The following TSPAN32 variants were observed in gnomAD, a reference collection of about 807,000 sequenced individuals.
TSPAN32 encodes tetraspanin 32, also known as tetraspanin-32.
TSPAN32 carries 47 observed loss-of-function variants against 42.7 expected under a neutral mutation model. That is an observed-to-expected ratio of 1.10 (90% confidence interval 0.87 to 1.40). TSPAN32 has a LOEUF of 1.40. TSPAN32 is among the 40% of genes most tolerant of loss of function. The pLI, the probability that TSPAN32 is intolerant of heterozygous loss-of-function variation, is 0.00. For missense variants in TSPAN32, 469 were observed against 424.1 expected, an observed-to-expected ratio of 1.11 and a Z score of -0.93; for synonymous variants, 175 against 175.9, an observed-to-expected ratio of 0.99 and a Z score of 0.04.
intron 4 of TSPAN32, among the ~76,000 whole-genome samples, chr11:2,311,633 G>A (rs760570565): frequency 3.3e-5 from 5 of 152,162 alleles, no homozygotes; most frequent in Admixed American, 6.5e-5. Flanking sequence ...CCCACCTGCC[G>A]TTCAGGACCT....
intron 3 of TSPAN32, among the ~76,000 whole-genome samples, chr11:2,305,221 T>A (rs2077112): frequency 6.6e-5 from 10 of 152,192 alleles, no homozygotes; most frequent in Non-Finnish European, 1.0e-4. Context: ...GGGCCCATGG[T>A]GGGCAGAGGA....
intron 6 of TSPAN32, chr11:2,315,225 C>G: frequency 1.3e-5 from 16 of 1,194,246 alleles, no homozygotes; most frequent in Non-Finnish European, 1.7e-5. Context: ...GTCCTGGAAA[C>G]AAACCCACCC....
intron 6 of TSPAN32, chr11:2,315,516 GC>G: frequency 8.6e-7 from 1 of 1,159,060 alleles, no homozygotes; most frequent in Non-Finnish European, 1.1e-6. Context: ...GGGCCCGACT[GC>G]AAAGCCTCCT....
In TSPAN32 at chr11:2,314,474, T is replaced by C. The variant is rs774267738; in HGVS notation, c.457-11T>C. 1 of 1,607,750 alleles carries C rather than the reference T, an allele frequency of 6.2e-7. No individual in the cohort carries two copies. The highest frequency in any genetic ancestry group is 1.1e-5 in the South Asian group (1 of 89,576). On this transcript the variant is annotated splice_polypyrimidine_tract_variant and intron_variant, in intron 5 of 9. Coordinates refer to ENST00000182290, the MANE Select transcript of TSPAN32 (RefSeq NM_139022.3). Reference sequence around the variant, plus strand: ...GAGCACATCACCACTCCCTCCCTTCTGTTCCTGTAGTTTCTGTGCTGTGGG... The same window carrying C: ...GAGCACATCACCACTCCCTCCCTTCCGTTCCTGTAGTTTCTGTGCTGTGGG...
chr11:2,310,495 T>G (rs1248640366), intron 4 of TSPAN32, among the ~76,000 whole-genome samples: 1 of 152,210 alleles, frequency 6.6e-6, no homozygotes, highest in Non-Finnish European at 1.5e-5. Context: ...GGCAGGGGAC[T>G]GGGGCTTCCT....
chr11:2,309,079 C>T (rs922516087), intron 4 of TSPAN32, among the ~76,000 whole-genome samples: 5 of 152,066 alleles, frequency 3.3e-5, no homozygotes, highest in Non-Finnish European at 5.9e-5. Context: ...TTCTTAAAGC[C>T]CCTCAGCCCA....
At position 2,317,046 on chromosome 11, in the gene TSPAN32, G is replaced by A. The variant is rs1848840190; in HGVS notation, c.720-298G>A. 1.3e-5 allele frequency among the ~76,000 whole-genome samples: 2 copies of A among 152,120 alleles called. No individual in the cohort carries two copies. Among genetic ancestry groups the A allele is most frequent in the South Asian group, 2.1e-4 (1 of 4,816 alleles). Reference sequence around the variant, plus strand: ...AACCCACAGCCAGGCAGCTCTTCCTGCCCCCACGGAGCCTGGCCCGTCTCT... The same window carrying A: ...AACCCACAGCCAGGCAGCTCTTCCTACCCCCACGGAGCCTGGCCCGTCTCT... On this transcript the variant is annotated intron_variant, in intron 8 of 9. Coordinates refer to ENST00000182290, the MANE Select transcript of TSPAN32 (RefSeq NM_139022.3). The surrounding 1 kb of genome is among the most constrained non-coding windows in gnomAD (Gnocchi z 6.2).
chr11:2,305,566 C>T (rs1294931548), intron 3 of TSPAN32, among the ~76,000 whole-genome samples: 2 of 152,218 alleles, frequency 1.3e-5, no homozygotes, highest in Non-Finnish European at 2.9e-5. Flanking sequence ...AGCCGCTGGG[C>T]CACGGGGCTC....
chr11:2,305,747 C>CT lies in TSPAN32; in HGVS notation c.279+1545dup, dbSNP rs556793923. On this transcript the variant is annotated intron_variant, in intron 3 of 9. Transcript: ENST00000182290. ...ATGTGGGTCAGGCCTGTAGAGCAGC[C>CT]TTGGAGGCCCCCAACTGGATGCCTG... Among the ~76,000 whole-genome samples the CT allele has an allele frequency of 3.3e-3, 496 of 152,316 alleles. 2 individuals carry two copies. Among genetic ancestry groups the CT allele is most frequent in the African/African-American group, 0.011 (467 of 41,568 alleles).
Position 2,304,147 on chromosome 11 carries a change from G to A in TSPAN32, c.222G>A (p.Leu74=), listed in dbSNP as rs371071821. ...TGAGCCTGGTGGGCCTCCTGACTCTGGGAGCCGTGCTGAGCGCTGCAGCCA... is the reference window on the plus strand; with the variant it reads ...TGAGCCTGGTGGGCCTCCTGACTCTAGGAGCCGTGCTGAGCGCTGCAGCCA... ...AGLSLVGLLT[L]GAVLSAAATV... The change falls in exon 3 of 10, where the codon CTG becomes CTA. Residue 74 remains leucine, a synonymous_variant. Coordinates refer to ENST00000182290, the MANE Select transcript of TSPAN32 (RefSeq NM_139022.3). The surrounding 1 kb of genome is among the most constrained non-coding windows in gnomAD (Gnocchi z 4.8). The A allele has an allele frequency of 1.0e-5, 16 of 1,590,058 alleles. No individual in the cohort carries two copies. Among genetic ancestry groups the A allele is most frequent in the Non-Finnish European group, 1.4e-5 (16 of 1,168,504 alleles).
At chr11:2,302,538 G>T (rs1470965809) in intron 1 of TSPAN32, among the ~76,000 whole-genome samples, 1 of 152,206 alleles carries the variant, frequency 6.6e-6, no homozygotes, top group Non-Finnish European at 1.5e-5. Flanking sequence ...GCCCCGGAGG[G>T]TGCTGGCACA....
At chr11:2,316,549 G>A (rs769745484) in intron 7 of TSPAN32, 27 bp from the exon 8 acceptor site, 7 of 1,602,562 alleles carry the variant, frequency 4.4e-6, no homozygotes, top group Admixed American at 1.7e-5. Context: ...TGGGGCAGTG[G>A]GGCAGCCGCG....
At chr11:2,307,579 T>C (rs542011748) in intron 3 of TSPAN32, among the ~76,000 whole-genome samples, 10 of 152,212 alleles carry the variant, frequency 6.6e-5, no homozygotes, top group Admixed American at 3.9e-4. Flanking sequence ...TTAGCCTGGG[T>C]GACCTCTGCC....
Position 2,317,362 on chromosome 11 carries a change from C to G in TSPAN32, c.738C>G (p.Pro246=), listed in dbSNP as rs749352222. 3.9e-5 allele frequency: 62 copies of G among 1,594,550 alleles called. No individual in the cohort carries two copies. Among genetic ancestry groups the G allele is most frequent in the Non-Finnish European group, 5.0e-5 (59 of 1,170,676 alleles). Residue 246 remains proline (P), a synonymous_variant, in exon 9 of 10, where the codon CCC becomes CCG. Transcript: ENST00000182290. The surrounding 1 kb of genome is among the most constrained non-coding windows in gnomAD (Gnocchi z 6.2). ...TLTPRACGRQ[P]QEPSLLRCSQ... The stretch of plus-strand genomic sequence containing the variant: ...TCCTCAGAGCATGTGGCCGCCAGCC[C>G]CAGGAGCCCAGCCTCTTGAGATGCT...
chr11:2,309,952 C>G (rs1324115309), intron 4 of TSPAN32: 2 of 153,340 alleles, frequency 1.3e-5, no homozygotes, highest in Admixed American at 1.3e-4. Flanking sequence ...TTGGGAGGAA[C>G]CGCCTGAACC....
chr11:2,304,638 T>A lies in TSPAN32; in HGVS notation c.279+434T>A, dbSNP rs2521271. Among the ~76,000 whole-genome samples the A allele has an allele frequency of 0.85, 128,295 of 151,472 alleles. 55,420 individuals carry two copies. Among genetic ancestry groups the A allele is most frequent in the African/African-American group, 0.95 (39,015 of 41,242 alleles). ...CTGTTCGGAGGAGGCCGGGCCAGGC[T>A]CAGGAAACGCCCCTTGAGCTCTCCA... On this transcript the variant is annotated intron_variant, in intron 3 of 9. Transcript: ENST00000182290. This position sits in a 1 kb window ranked among gnomAD's most constrained non-coding sequence, Gnocchi z 4.8.
intron 3 of TSPAN32, among the ~76,000 whole-genome samples, chr11:2,305,085 G>A (rs1411126880): frequency 6.6e-6 from 1 of 152,230 alleles, no homozygotes; most frequent in African/African-American, 2.4e-5. Flanking sequence ...CCCAGGGCTG[G>A]CAGGGTTTTC....
chr11:2,315,165 CAGCCCACCCTG>C, intron 6 of TSPAN32: 6 of 644,690 alleles, frequency 9.3e-6, no homozygotes, highest in Non-Finnish European at 1.3e-5. Flanking sequence ...AGCCCTCCCC[CAGCCCACCCTG>C]CCCCCTCCCT....
rs1847966741 is a variant in TSPAN32 at position 2,304,619 on chromosome 11, G to A, written c.279+415G>A. Among the ~76,000 whole-genome samples, 1 of 152,088 alleles carries A rather than the reference G, an allele frequency of 6.6e-6. No individual in the cohort carries two copies. Among genetic ancestry groups the A allele is most frequent in the Admixed American group, 6.5e-5 (1 of 15,272 alleles). On this transcript the variant is annotated intron_variant, in intron 3 of 9. Coordinates refer to ENST00000182290, the MANE Select transcript of TSPAN32 (RefSeq NM_139022.3). This position sits in a 1 kb window ranked among gnomAD's most constrained non-coding sequence, Gnocchi z 4.8. ...ACTGGGAGCATCCCATTTCCTGTTC[G>A]GAGGAGGCCGGGCCAGGCTCAGGAA...
Sources: gnomAD v4.1 joint callset for allele counts (sites outside exome capture counted in the v4.1 genomes callset) on GRCh38, gnomAD v4.1.1 for gene constraint, Gnocchi (gnomAD v3.1) non-coding constraint, MANE v1.5 for transcripts, NCBI Gene and HGNC (gene_info 2026-07-23, HGNC 2026-07-21) for gene names.